Variants in EDA observed in about 807,000 individuals in gnomAD.
EDA encodes the protein ectodysplasin A, also known as ectodysplasin-A.
Under a neutral mutation model 23.6 loss-of-function variants are expected in EDA, and 2 were observed. That is an observed-to-expected ratio of 0.08 (90% CI 0.03 to 0.27). EDA has a LOEUF of 0.27. EDA is among the 10% of genes least tolerant of loss of function. The probability of loss-of-function intolerance (pLI) is 1.00; values close to 1 mark genes in which losing one functional copy is unlikely to be tolerated. For synonymous variants in EDA, 131 were observed against 132.0 expected (o/e 0.99, Z 0.05); for missense variants, 229 against 324.2 (o/e 0.71, Z 2.26).
At chrX:69,864,140 A>G (rs2017446766) in intron 1 of EDA, among the ~76,000 whole-genome samples, 5 of 111,096 alleles carry the variant, frequency 4.5e-5, no homozygotes, top group Non-Finnish European at 9.4e-5. Flanking sequence ...TTGCCTTTTA[A>G]ATTTTTAATT....
chrX:69,834,160 A>G (rs1316310625), intron 1 of EDA, among the ~76,000 whole-genome samples: 5 of 110,566 alleles, frequency 4.5e-5, no homozygotes, highest in African/African-American at 1.3e-4. Flanking sequence ...TATGTGGTCA[A>G]TTTTAGAATA....
intron 1 of EDA, among the ~76,000 whole-genome samples, chrX:69,717,681 G>T (rs1218959294): frequency 9.1e-6 from 1 of 110,127 alleles, no homozygotes; most frequent in Non-Finnish European, 1.9e-5. Context: ...CACCATGCCT[G>T]GCTAATTTTT....
chrX:69,625,911 A>G (rs1354105676), intron 1 of EDA, among the ~76,000 whole-genome samples: 2 of 110,732 alleles, frequency 1.8e-5, no homozygotes, highest in Non-Finnish European at 3.8e-5. Flanking sequence ...TGGAAAACAT[A>G]TATCTGGTAA....
intron 1 of EDA, among the ~76,000 whole-genome samples, chrX:69,698,586 A>G (rs185377295): frequency 1.8e-5 from 2 of 111,690 alleles, no homozygotes; most frequent in Non-Finnish European, 1.9e-5. Context: ...AAGTTCGGCC[A>G]TACATGATTT....
intron 1 of EDA, among the ~76,000 whole-genome samples, chrX:69,702,917 A>C (rs1222546887): frequency 9.1e-6 from 1 of 110,229 alleles, no homozygotes; most frequent in Non-Finnish European, 1.9e-5. Context: ...CAAGGTGTTT[A>C]GGGCGGATAT....
intron 1 of EDA, among the ~76,000 whole-genome samples, chrX:69,748,160 G>A (rs952782547): frequency 1.8e-5 from 2 of 111,043 alleles, no homozygotes; most frequent in Admixed American, 1.9e-4. Context: ...AGGAGAGAAT[G>A]GGAAAACTTG....
At chrX:69,697,219 TCTGATGTAA>T (rs2011378354) in intron 1 of EDA, among the ~76,000 whole-genome samples, 1 of 111,500 alleles carries the variant, frequency 9.0e-6, no homozygotes, top group South Asian at 3.8e-4. Context: ...AGTGTCTCAG[TCTGATGTAA>T]CTGCTACGCG....
chrX:69,626,850 A>G (rs1932401781), intron 1 of EDA, among the ~76,000 whole-genome samples: 1 of 112,090 alleles, frequency 8.9e-6, no homozygotes, highest in Non-Finnish European at 1.9e-5. Flanking sequence ...CAGTATGTGA[A>G]TTATATCTAT....
At chrX:69,817,981 A>G (rs1469189677) in intron 1 of EDA, among the ~76,000 whole-genome samples, 1 of 111,534 alleles carries the variant, frequency 9.0e-6, no homozygotes, top group African/African-American at 3.3e-5. Context: ...GAAGTAAAAC[A>G]CTCCTCAGCA....
intron 1 of EDA, among the ~76,000 whole-genome samples, chrX:69,935,764 G>A (rs5980880): frequency 0.17 from 18,081 of 109,049 alleles, 1,403 homozygotes; most frequent in Non-Finnish European, 0.24. Context: ...CTCTGGTCTG[G>A]TCACATATTC....
chrX:69,856,711 A>T (rs868690463), intron 1 of EDA, among the ~76,000 whole-genome samples: 2 of 101,629 alleles, frequency 2.0e-5, no homozygotes, highest in Non-Finnish European at 4.0e-5. Flanking sequence ...TGATGCGATT[A>T]TTTTTTTTTT....
At chrX:69,925,895 A>G (rs943866168) in intron 1 of EDA, among the ~76,000 whole-genome samples, 1 of 106,495 alleles carries the variant, frequency 9.4e-6, no homozygotes, top group African/African-American at 3.4e-5. Context: ...GGGAGGGTGT[A>G]TATGTGTCCA....
At chrX:69,732,497 C>A (rs2013075625) in intron 1 of EDA, among the ~76,000 whole-genome samples, 1 of 112,298 alleles carries the variant, frequency 8.9e-6, no homozygotes, top group African/African-American at 3.2e-5. Context: ...TGCAGTCTAT[C>A]ATTGTTCAAC....
chrX:69,875,999 T>G (rs534527854), intron 1 of EDA, among the ~76,000 whole-genome samples: 3 of 111,868 alleles, frequency 2.7e-5, no homozygotes, highest in East Asian at 5.6e-4. Flanking sequence ...GATATTGGCA[T>G]GGACATGGTG....
chrX:69,805,495 A>G (rs2015793439), intron 1 of EDA, among the ~76,000 whole-genome samples: 1 of 111,997 alleles, frequency 8.9e-6, no homozygotes, highest in African/African-American at 3.2e-5. Flanking sequence ...TCTCCAAGAT[A>G]TATCTTTTTT....
At chrX:69,826,182 TG>T (rs1319884563) in intron 1 of EDA, among the ~76,000 whole-genome samples, 1 of 111,885 alleles carries the variant, frequency 8.9e-6, no homozygotes, top group Non-Finnish European at 1.9e-5. Flanking sequence ...TCTGTTGATT[TG>T]GGGTGGAGAG....
chrX:69,754,174 T>G (rs2014011567), intron 1 of EDA, among the ~76,000 whole-genome samples: 1 of 112,321 alleles, frequency 8.9e-6, no homozygotes, highest in Non-Finnish European at 1.9e-5. Flanking sequence ...TTGATGGTCT[T>G]TACAATTTGA....
chrX:69,816,280 C>T (rs961599211), intron 1 of EDA, among the ~76,000 whole-genome samples: 1 of 111,892 alleles, frequency 8.9e-6, no homozygotes, highest in Non-Finnish European at 1.9e-5. Context: ...AAAAGCTAGA[C>T]TGCCTCTTCT....
chrX:69,712,347 A>T (rs186871144), intron 1 of EDA, among the ~76,000 whole-genome samples: 67 of 111,765 alleles, frequency 6.0e-4, no homozygotes, highest in East Asian at 4.7e-3. Flanking sequence ...GATGCAGTTC[A>T]TATTTGTCTC....
Sources: gnomAD v4.1 joint callset for allele counts (sites outside exome capture counted in the v4.1 genomes callset) on GRCh38, gnomAD v4.1.1 for gene constraint, MANE v1.5 for transcripts, NCBI Gene and HGNC (gene_info 2026-07-23, HGNC 2026-07-21) for gene names.